The following PSIP1 variants were observed in gnomAD, a reference collection of about 807,000 sequenced individuals.
PSIP1 encodes PC4 and SFRS1-interacting protein.
A neutral mutation model predicts 74.7 loss-of-function variants in PSIP1; 19 were observed. The observed-to-expected ratio is 0.25, with a 90% CI of 0.18 to 0.37. The LOEUF is 0.37. Among genes scored for constraint, PSIP1 ranks in the 10% least tolerant of loss-of-function variants. The pLI is 1.00. For synonymous variants in PSIP1, 222 were observed against 195.3 expected, an observed-to-expected ratio of 1.14 and a Z score of -1.14; for missense variants, 601 against 614.3, an observed-to-expected ratio of 0.98 and a Z score of 0.23.
rs1278160132 is a variant in PSIP1, at chr9:15,488,621, C to G, written c.288+1365G>C. 2.0e-5 allele frequency among the ~76,000 whole-genome samples: 3 copies of G among 151,920 alleles called. No individual in the cohort carries two copies. The East Asian group carries it at 5.8e-4, about 30-fold the overall frequency. On this transcript the variant is annotated intron_variant, in intron 4 of 15. Coordinates refer to ENST00000380733, the MANE Select transcript of PSIP1 (RefSeq NM_033222.5). ...GCAATCGACAATATAAAAAATTTTTCTAAGCCTATAATCCCAGCACTTTGG... is the reference window on the plus strand; with the variant it reads ...GCAATCGACAATATAAAAAATTTTTGTAAGCCTATAATCCCAGCACTTTGG...
chr9:15,491,631 G>A (rs1215800694), intron 3 of PSIP1, among the ~76,000 whole-genome samples: 3 of 152,184 alleles, frequency 2.0e-5, no homozygotes, highest in African/African-American at 7.2e-5. Context: ...TAAAATATCT[G>A]AAGTCAGAAA....
At chr9:15,492,129 C>T (rs932668989) in intron 3 of PSIP1, 7 of 152,218 alleles carry the variant, frequency 4.6e-5, no homozygotes, top group Admixed American at 2.0e-4. Flanking sequence ...TTCCAACAGT[C>T]CCCATCCCCC....
At position 15,486,903 on chromosome 9, in the gene PSIP1, G is replaced by C; in HGVS notation, c.317C>G (p.Ser106Cys). Residue 106 changes from serine to cysteine, a missense_variant, in exon 5 of 16, where the codon TCT (serine) becomes TGT (cysteine). Ser to Cys is a moderately radical substitution (Grantham distance 112). Coordinates refer to ENST00000380733, the MANE Select transcript of PSIP1 (RefSeq NM_033222.5). Reference sequence around the variant, plus strand: ...TTCCTTTTCTTCAACTTCAACATCAGATGATGCATTTGATTGTTTAGTTGC... The same window carrying C: ...TTCCTTTTCTTCAACTTCAACATCACATGATGCATTTGATTGTTTAGTTGC... ...QAATKQSNAS[S>C]DVEVEEKETS... is the part of the protein sequence containing the mutation. 1 of 1,611,230 alleles carries C rather than the reference G, an allele frequency of 6.2e-7. No individual in the cohort carries two copies. The highest frequency in any genetic ancestry group is 8.5e-7 in the Non-Finnish European group (1 of 1,178,510).
intron 4 of PSIP1, among the ~76,000 whole-genome samples, chr9:15,488,208 C>CAT (rs1483531953): frequency 6.6e-6 from 1 of 151,754 alleles, no homozygotes; most frequent in Admixed American, 6.6e-5. Flanking sequence ...AAAGCGCACA[C>CAT]GTAATCCCAG....
At chr9:15,484,634 G>C (rs1006605096) in intron 6 of PSIP1, among the ~76,000 whole-genome samples, 4 of 152,064 alleles carry the variant, frequency 2.6e-5, no homozygotes, top group African/African-American at 9.7e-5. Context: ...GGCTGAGGCA[G>C]GAGAATCACG....
At chr9:15,478,966 TA>T (rs2036219164) in intron 7 of PSIP1, among the ~76,000 whole-genome samples, 2 of 152,090 alleles carry the variant, frequency 1.3e-5, no homozygotes, top group South Asian at 2.1e-4. Context: ...CTATTAATTT[TA>T]TCCACTGCAA....
intron 3 of PSIP1, among the ~76,000 whole-genome samples, chr9:15,499,991 A>T (rs1209689902): frequency 1.3e-5 from 2 of 152,114 alleles, no homozygotes; most frequent in African/African-American, 4.8e-5. Flanking sequence ...GAAAAATTCC[A>T]TTTTTAACAA....
chr9:15,475,127 T>TAA (rs754764094), intron 8 of PSIP1, among the ~76,000 whole-genome samples: 1 of 152,178 alleles, frequency 6.6e-6, no homozygotes, highest in Non-Finnish European at 1.5e-5. Context: ...TAAGAACTAT[T>TAA]AAGTTGGAAG....
At chr9:15,487,140 T>C (rs542615847) in intron 4 of PSIP1, among the ~76,000 whole-genome samples, 4 of 150,986 alleles carry the variant, frequency 2.6e-5, no homozygotes, top group African/African-American at 9.7e-5. Flanking sequence ...GTCGAGGCTG[T>C]AGTGAACCAT....
At chr9:15,489,958 A>G (rs778466498) in intron 4 of PSIP1, 28 bp downstream of exon 4, 19 of 1,479,858 alleles carry the variant, frequency 1.3e-5, no homozygotes, top group South Asian at 6.6e-5. Flanking sequence ...TAAATAAGTA[A>G]TATCAAATTT....
intron 10 of PSIP1, chr9:15,471,361 A>G: frequency 6.4e-7 from 1 of 1,558,206 alleles, no homozygotes; most frequent in Non-Finnish European, 8.8e-7. Context: ...AGAAAACACA[A>G]ATATTAGAAT....
chr9:15,498,896 G>T (rs1412094384), intron 3 of PSIP1, among the ~76,000 whole-genome samples: 2 of 151,912 alleles, frequency 1.3e-5, no homozygotes, highest in Non-Finnish European at 2.9e-5. Flanking sequence ...GCACAGACAA[G>T]TTTGAAAAAA....
intron 3 of PSIP1, among the ~76,000 whole-genome samples, chr9:15,493,535 T>C (rs2036930133): frequency 6.6e-6 from 1 of 152,234 alleles, no homozygotes; most frequent in Non-Finnish European, 1.5e-5. Flanking sequence ...CCCCACTTTC[T>C]GGTACCAATT....
rs930452519 is a variant in PSIP1 at position 15,467,011 on chromosome 9, T to C, written c.1421-152A>G. ...TTGAAATTACATTGTAATACAGCCC[T>C]CTCTTGAATGTTAGAATTGGGTTTT... On this transcript the variant is annotated intron_variant, in intron 14 of 15. Coordinates refer to ENST00000380733, the MANE Select transcript of PSIP1 (RefSeq NM_033222.5). 8.2e-6 allele frequency: 5 copies of C among 611,302 alleles called. No individual in the cohort carries two copies. In the African/African-American group the frequency reaches 1.1e-4, roughly 13 times the overall value. The allele number at this position is 611,302 out of a possible 1,614,324, so 37.9% of individuals were successfully genotyped here. A position where few individuals can be genotyped will look rare whatever the true frequency, so the allele number is the denominator to read the frequency against.
chr9:15,503,640 A>G (rs2037447210), intron 3 of PSIP1, among the ~76,000 whole-genome samples: 1 of 151,752 alleles, frequency 6.6e-6, no homozygotes, highest in South Asian at 2.1e-4. Context: ...ATCCTGGGCC[A>G]TGGAATGAGA....
intron 5 of PSIP1, among the ~76,000 whole-genome samples, chr9:15,486,331 A>G (rs1002055576): frequency 4.6e-5 from 7 of 152,218 alleles, no homozygotes; most frequent in African/African-American, 1.7e-4. Flanking sequence ...TACTTTTTCT[A>G]CACTAGAATT....
At chr9:15,482,579 CCTT>C (rs929097205) in intron 6 of PSIP1, among the ~76,000 whole-genome samples, 6 of 152,272 alleles carry the variant, frequency 3.9e-5, no homozygotes, top group South Asian at 2.1e-4. Context: ...TCCATCTCCT[CCTT>C]GTTAAGTCAG....
intron 3 of PSIP1, among the ~76,000 whole-genome samples, chr9:15,504,162 G>C (rs192927382): frequency 2.0e-5 from 3 of 152,164 alleles, no homozygotes; most frequent in Non-Finnish European, 4.4e-5. Flanking sequence ...AAAACCAAGT[G>C]CATTTTGAAA....
chr9:15,506,891 C>A (rs1298650363), intron 2 of PSIP1, among the ~76,000 whole-genome samples: 1 of 152,182 alleles, frequency 6.6e-6, no homozygotes, highest in Admixed American at 6.5e-5. Context: ...CCTGTTTCCA[C>A]TGTTGTTTCT....
Sources: allele counts gnomAD v4.1 joint callset (sites outside exome capture counted in the v4.1 genomes callset), GRCh38; gene constraint gnomAD v4.1.1; transcripts MANE v1.5; gene names NCBI Gene and HGNC (gene_info 2026-07-23, HGNC 2026-07-21).